The following MDGA2 variants were observed in gnomAD, a reference collection of about 807,000 sequenced individuals.
MDGA2 encodes MAM domain containing glycosylphosphatidylinositol anchor 2.
In MDGA2, 40 loss-of-function variants were observed where a neutral mutation model predicts 117.8. The observed-to-expected ratio is 0.34, with a 90% CI of 0.26 to 0.44. The LOEUF (loss-of-function observed/expected upper bound fraction) is 0.44. Among genes scored for constraint, MDGA2 ranks in the 20% least tolerant of loss-of-function variants. The pLI, the probability that MDGA2 is intolerant of heterozygous loss-of-function variation, is 1.00. For missense variants in MDGA2, 1,123 were observed against 1,250.6 expected, an observed-to-expected ratio of 0.90 and a Z score of 1.54; for synonymous variants, 452 against 439.0, an observed-to-expected ratio of 1.03 and a Z score of -0.37.
At chr14:47,098,836 T>A (rs897306542) in intron 5 of MDGA2, among the ~76,000 whole-genome samples, 3 of 152,000 alleles carry the variant, frequency 2.0e-5, no homozygotes, top group Non-Finnish European at 4.4e-5. Context: ...ACATACCCAA[T>A]GGTGACATTA....
At chr14:47,384,214 A>G (rs1289152270) in intron 1 of MDGA2, among the ~76,000 whole-genome samples, 1 of 151,506 alleles carries the variant, frequency 6.6e-6, no homozygotes, top group Non-Finnish European at 1.5e-5. Context: ...AGGAAGGTAG[A>G]GAGTCAATAC....
At chr14:47,351,892 C>A (rs930327891) in intron 1 of MDGA2, among the ~76,000 whole-genome samples, 1 of 134,186 alleles carries the variant, frequency 7.5e-6, no homozygotes, top group South Asian at 2.5e-4. Flanking sequence ...GTTATATGCT[C>A]TCTAAATTAA....
intron 1 of MDGA2, chr14:47,342,914 AC>A (rs1890673284): frequency 2.1e-6 from 1 of 467,390 alleles, no homozygotes; most frequent in Non-Finnish European, 4.0e-6. Context: ...CTCATTTCAT[AC>A]TTGGGATAAA....
intron 1 of MDGA2, among the ~76,000 whole-genome samples, chr14:47,426,272 ACAGTG>A (rs1278090539): frequency 3.3e-5 from 5 of 152,226 alleles, no homozygotes; most frequent in African/African-American, 1.2e-4. Flanking sequence ...GGCAGTTATT[ACAGTG>A]GTGATCTAAT....
chr14:47,674,156 T>A (rs1186856540), intron 1 of MDGA2, among the ~76,000 whole-genome samples: 1 of 98,818 alleles, frequency 1.0e-5, no homozygotes, highest in African/African-American at 3.9e-5. Context: ...CCCTGGGGGG[T>A]GGGGGGAAAC....
intron 1 of MDGA2, among the ~76,000 whole-genome samples, chr14:47,474,668 C>G (rs1893799059): frequency 6.6e-6 from 1 of 152,070 alleles, no homozygotes; most frequent in Admixed American, 6.6e-5. Context: ...ATAGAGTACT[C>G]AGAAATAAGA....
At chr14:47,172,939 C>T (rs182854418) in intron 3 of MDGA2, among the ~76,000 whole-genome samples, 1 of 152,092 alleles carries the variant, frequency 6.6e-6, no homozygotes, top group Admixed American at 6.5e-5. Context: ...ATAACCAATA[C>T]AGAGAAGTGC....
intron 14 of MDGA2, chr14:46,871,892 AATCCCAGC>A: frequency 2.5e-6 from 1 of 393,028 alleles, no homozygotes; most frequent in Non-Finnish European, 5.3e-6. Context: ...TCATGCCTGT[AATCCCAGC>A]ATTTTGAGAG....
chr14:47,397,798 A>C (rs1272473765), intron 1 of MDGA2, among the ~76,000 whole-genome samples: 1 of 152,152 alleles, frequency 6.6e-6, no homozygotes, highest in Non-Finnish European at 1.5e-5. Flanking sequence ...TTCTGGATAC[A>C]AGGAGGTAAC....
At chr14:47,253,739 G>A (rs1244947680) in intron 2 of MDGA2, among the ~76,000 whole-genome samples, 5 of 152,158 alleles carry the variant, frequency 3.3e-5, no homozygotes, top group Admixed American at 6.5e-5. Flanking sequence ...ACTAGGCAGT[G>A]CCCCCATGGA....
intron 8 of MDGA2, among the ~76,000 whole-genome samples, chr14:47,030,890 A>C (rs749328077): frequency 3.3e-5 from 5 of 152,186 alleles, no homozygotes; most frequent in Admixed American, 6.5e-5. Flanking sequence ...AGAAGTTAAA[A>C]GTCATAAAGA....
intron 1 of MDGA2, among the ~76,000 whole-genome samples, chr14:47,423,794 T>G: frequency 8.0e-6 from 1 of 125,380 alleles, no homozygotes; most frequent in Non-Finnish European, 1.7e-5. Flanking sequence ...TTTATTTAAC[T>G]ATTTATTTTA....
At chr14:47,046,956 CAT>C (rs1003503807) in intron 7 of MDGA2, among the ~76,000 whole-genome samples, 2 of 152,100 alleles carry the variant, frequency 1.3e-5, no homozygotes, top group Non-Finnish European at 2.9e-5. Context: ...AGCAGAGCCA[CAT>C]ATGTTACAAT....
intron 5 of MDGA2, among the ~76,000 whole-genome samples, chr14:47,097,822 G>A (rs547909179): frequency 6.6e-6 from 1 of 151,900 alleles, no homozygotes; most frequent in Non-Finnish European, 1.5e-5. Context: ...TGCCACTACT[G>A]TTTGGGTTAT....
At chr14:47,232,701 C>T (rs1047113916) in intron 2 of MDGA2, among the ~76,000 whole-genome samples, 2 of 152,046 alleles carry the variant, frequency 1.3e-5, no homozygotes, top group Admixed American at 6.6e-5. Flanking sequence ...AAAAGAAAAC[C>T]GCAGCTTTAT....
chr14:47,069,443 G>C (rs1249902010), intron 6 of MDGA2, among the ~76,000 whole-genome samples: 1 of 151,942 alleles, frequency 6.6e-6, no homozygotes, highest in Non-Finnish European at 1.5e-5. Flanking sequence ...TGGTTCATTT[G>C]AGTTCTATCA....
intron 8 of MDGA2, among the ~76,000 whole-genome samples, chr14:47,013,285 T>C (rs1887959965): frequency 1.3e-5 from 2 of 152,198 alleles, no homozygotes; most frequent in African/African-American, 4.8e-5. Flanking sequence ...ACAATGTTTA[T>C]AGCATCTTCA....
Position 46,920,230 on chromosome 14 carries a change from G to A in MDGA2, c.2090-70C>T. On this transcript the variant is annotated intron_variant, in intron 9 of 16. Coordinates refer to ENST00000399232, the MANE Select transcript of MDGA2 (RefSeq NM_001113498.3). ...AGTGTAAGCATACTTATTCCCTTTG[G>A]CCCTTTTACCATTTCTACTATATTT... is the stretch of plus-strand genomic sequence containing the variant. The A allele has an allele frequency of 2.8e-6, 4 of 1,404,190 alleles. No individual in the cohort carries two copies. In the South Asian group the frequency reaches 5.6e-5, roughly 20 times the overall value. 87.0% of individuals were successfully genotyped at this position (1,404,190 alleles called of 1,614,324 possible). A position where few individuals can be genotyped will look rare whatever the true frequency, so the allele number is the denominator to read the frequency against.
intron 9 of MDGA2, 162 bp from the exon 10 acceptor site, chr14:46,920,322 T>C (rs1435931528): frequency 1.6e-6 from 1 of 642,764 alleles, no homozygotes; most frequent in Non-Finnish European, 2.4e-6. Flanking sequence ...TGAGATTTCC[T>C]GGTTGATTGG....
Sources: allele counts gnomAD v4.1 joint callset (sites outside exome capture counted in the v4.1 genomes callset), GRCh38; gene constraint gnomAD v4.1.1; transcripts MANE v1.5; gene names NCBI Gene and HGNC (gene_info 2026-07-23, HGNC 2026-07-21).